HMCN1: variants seen among roughly 807,000 people sequenced by gnomAD.
The protein encoded by HMCN1 is hemicentin 1.
In HMCN1, 321 loss-of-function variants were observed where a neutral mutation model predicts 625.9. The observed-to-expected ratio is 0.51, with a 90% CI of 0.47 to 0.56. The LOEUF (loss-of-function observed/expected upper bound fraction) is 0.56. HMCN1 is among the 20% of genes least tolerant of loss of function. The pLI is 0.00. For synonymous variants in HMCN1, 2,425 were observed against 2,417.6 expected, an observed-to-expected ratio of 1.00 and a Z score of -0.09; for missense variants, 6,588 against 6,887.3, an observed-to-expected ratio of 0.96 and a Z score of 1.54.
intron 36 of HMCN1, among the ~76,000 whole-genome samples, chr1:186,023,728 A>G (rs1654871583): frequency 6.6e-6 from 1 of 152,222 alleles, no homozygotes; most frequent in South Asian, 2.1e-4. Context: ...TAATTTAGCC[A>G]GAATATTTGC....
chr1:186,101,119 T>C (rs1429900080), intron 68 of HMCN1, among the ~76,000 whole-genome samples: 1 of 151,534 alleles, frequency 6.6e-6, no homozygotes, highest in Non-Finnish European at 1.5e-5. Flanking sequence ...AGTCTGTTAA[T>C]CAGAAAGAAA....
At chr1:185,854,818 C>T (rs979006239) in intron 2 of HMCN1, among the ~76,000 whole-genome samples, 4 of 152,034 alleles carry the variant, frequency 2.6e-5, no homozygotes, top group East Asian at 3.9e-4. Flanking sequence ...AGTAAAAATG[C>T]ATTTTTCCAT....
chr1:186,138,003 C>G (rs1438441095), intron 89 of HMCN1, 31 bp downstream of exon 89: 1 of 1,611,636 alleles, frequency 6.2e-7, no homozygotes, highest in African/African-American at 1.3e-5. Flanking sequence ...CTAAGATAAA[C>G]AAAACTTTTC....
chr1:186,027,092 A>G (rs1655106688), intron 36 of HMCN1, among the ~76,000 whole-genome samples: 1 of 152,202 alleles, frequency 6.6e-6, no homozygotes, highest in African/African-American at 2.4e-5. Context: ...AGATGCTACC[A>G]TTCTTCTTAG....
chr1:185,998,787 A>G (rs1652980821), intron 25 of HMCN1, among the ~76,000 whole-genome samples: 1 of 152,116 alleles, frequency 6.6e-6, no homozygotes, highest in South Asian at 2.1e-4. Context: ...TTGTTCTATC[A>G]TTTAAAAATT....
chr1:186,189,948 T>G lies in HMCN1; in HGVS notation c.*70T>G. 2 of 1,559,750 alleles carry G rather than the reference T, an allele frequency of 1.3e-6. No homozygotes were observed. Among genetic ancestry groups the G allele is most frequent in the Non-Finnish European group, 1.8e-6 (2 of 1,139,132 alleles). On this transcript the variant is annotated 3_prime_UTR_variant, in exon 107 of 107. Transcript: ENST00000271588. ...ATGGCAATCAAGCCCCCTTCCAGATTACTGTCTCTTGAACAGTTGCAATCT... is the reference window on the plus strand; with the variant it reads ...ATGGCAATCAAGCCCCCTTCCAGATGACTGTCTCTTGAACAGTTGCAATCT...
intron 4 of HMCN1, among the ~76,000 whole-genome samples, chr1:185,891,590 G>T (rs1245213915): frequency 2.0e-5 from 3 of 147,582 alleles, no homozygotes; most frequent in Non-Finnish European, 4.4e-5. Context: ...GGCTGGATAT[G>T]AAATTCTGGG....
In HMCN1 at chr1:185,783,617, C is replaced by T. The variant is rs189295015; in HGVS notation, c.268+48570C>T. ...GAGTTTGCTGGAGGTCCACTCCAGA[C>T]CCTGTTTGCCTGGGTATCAGCAGTG... On this transcript the variant is annotated intron_variant, in intron 1 of 106. Transcript: ENST00000271588. 1.0e-3 allele frequency among the ~76,000 whole-genome samples: 154 copies of T among 152,302 alleles called. 1 individual carries two copies. The highest frequency in any genetic ancestry group is 3.3e-3 in the African/African-American group (138 of 41,560).
At chr1:185,931,936 C>A (rs1304212398) in intron 10 of HMCN1, among the ~76,000 whole-genome samples, 3 of 152,134 alleles carry the variant, frequency 2.0e-5, no homozygotes, top group Non-Finnish European at 4.4e-5. Context: ...AGGGGTAGAA[C>A]TAGGTGGCCT....
intron 1 of HMCN1, among the ~76,000 whole-genome samples, chr1:185,787,141 A>ATG (rs375544191): frequency 0.27 from 38,118 of 141,094 alleles, 4,836 homozygotes; most frequent in Non-Finnish European, 0.3. Context: ...GCCATGATGT[A>ATG]TGTGTGTGTG....
At chr1:185,919,537 C>G (rs1172636730) in intron 6 of HMCN1, among the ~76,000 whole-genome samples, 1 of 152,160 alleles carries the variant, frequency 6.6e-6, no homozygotes, top group African/African-American at 2.4e-5. Context: ...GCCACCACCC[C>G]CTTGCCTCCC....
At chr1:185,967,165 G>C (rs1650464537) in intron 14 of HMCN1, among the ~76,000 whole-genome samples, 1 of 152,006 alleles carries the variant, frequency 6.6e-6, no homozygotes, top group Admixed American at 6.6e-5. Context: ...TCATTCAATA[G>C]TTTATCATGA....
chr1:185,904,886 T>A (rs1420294603), intron 4 of HMCN1, among the ~76,000 whole-genome samples: 2 of 151,788 alleles, frequency 1.3e-5, no homozygotes, highest in Non-Finnish European at 2.9e-5. Context: ...TGGATGCATT[T>A]ACACCTAATC....
chr1:186,062,106 A>C, intron 47 of HMCN1, 142 bp downstream of exon 47: 1 of 615,780 alleles, frequency 1.6e-6, no homozygotes, highest in Non-Finnish European at 2.9e-6. Context: ...ATTCAATATC[A>C]GAATTGTTTG....
chr1:185,745,147 A>T (rs1008891344), intron 1 of HMCN1, among the ~76,000 whole-genome samples: 1 of 152,158 alleles, frequency 6.6e-6, no homozygotes, highest in Non-Finnish European at 1.5e-5. Flanking sequence ...ACACAACGTT[A>T]CTCCCAGGCC....
Position 185,933,825 on chromosome 1 carries a change from G to T in HMCN1, c.1828+1G>T. On this transcript the variant is annotated splice_donor_variant, in intron 11 of 106. Coordinates refer to ENST00000271588, the MANE Select transcript of HMCN1 (RefSeq NM_031935.3). LOFTEE classifies it high-confidence loss of function. ...GCTTCAGTTTTCCTCACAGTGCAAG[G>T]TACAGTGCTTTGGTAACTTCTGAAT... 1 of 1,613,212 alleles carries T rather than the reference G, an allele frequency of 6.2e-7. No individual in the cohort carries two copies. Among genetic ancestry groups the T allele is most frequent in the Non-Finnish European group, 8.5e-7 (1 of 1,179,472 alleles).
Position 186,190,153 on chromosome 1 carries a change from A to AT in HMCN1, c.*276dup. 1 of 492,006 alleles carries AT rather than the reference A, an allele frequency of 2.0e-6. No homozygotes were observed. Among genetic ancestry groups the AT allele is most frequent in the Non-Finnish European group, 3.7e-6 (1 of 269,776 alleles). The allele number at this position is 492,006 out of a possible 1,614,324, so 30.5% of individuals were successfully genotyped here. A position where few individuals can be genotyped will look rare whatever the true frequency, so the allele number is the denominator to read the frequency against. Reference sequence around the variant, plus strand: ...GATTATTCTGAACATCTAACAGGACATATCAGTGATGGTTTACAGTAGTGT... The same window carrying AT: ...GATTATTCTGAACATCTAACAGGACATTATCAGTGATGGTTTACAGTAGTGT... On this transcript the variant is annotated 3_prime_UTR_variant, in exon 107 of 107. Transcript: ENST00000271588.
chr1:186,147,527 A>G (rs1423934519), intron 93 of HMCN1, among the ~76,000 whole-genome samples: 2 of 152,132 alleles, frequency 1.3e-5, no homozygotes, highest in Non-Finnish European at 2.9e-5. Context: ...GTAAATTAAA[A>G]TGGTAAAGTA....
At chr1:185,882,525 A>T (rs557281822) in intron 4 of HMCN1, among the ~76,000 whole-genome samples, 2 of 152,138 alleles carry the variant, frequency 1.3e-5, no homozygotes, top group South Asian at 2.1e-4. Flanking sequence ...TTTTTAAAAA[A>T]GTTTGAAAAA....
Sources: gnomAD v4.1 joint callset for allele counts (sites outside exome capture counted in the v4.1 genomes callset) on GRCh38, gnomAD v4.1.1 for gene constraint, MANE v1.5 for transcripts, NCBI Gene and HGNC (gene_info 2026-07-23, HGNC 2026-07-21) for gene names.